The following SLC25A33 variants were observed in gnomAD, a reference collection of about 807,000 sequenced individuals.
The protein encoded by SLC25A33 is bone marrow stromal cell mitochondrial carrier protein.
SLC25A33 carries 15 observed loss-of-function variants against 35.5 expected under a neutral mutation model. That is an observed-to-expected ratio of 0.42 (90% CI 0.28 to 0.65). The LOEUF is 0.65. Ranked by LOEUF, SLC25A33 falls within the 30% of genes least tolerant of loss-of-function variation. The probability of loss-of-function intolerance (pLI) is 0.20; values close to 1 mark genes in which losing one functional copy is unlikely to be tolerated. For synonymous variants in SLC25A33, 136 were observed against 148.7 expected (o/e 0.91, Z 0.62); for missense variants, 257 against 398.5 (o/e 0.64, Z 3.02).
At chr1:9,565,223 G>A (rs1643484130) in intron 2 of SLC25A33, among the ~76,000 whole-genome samples, 1 of 152,082 alleles carries the variant, frequency 6.6e-6, no homozygotes, top group South Asian at 2.1e-4. Context: ...TCACTCAACT[G>A]TACACTTAAA....
At chr1:9,540,209 C>T (rs1185172426) in intron 1 of SLC25A33, among the ~76,000 whole-genome samples, 3 of 152,224 alleles carry the variant, frequency 2.0e-5, no homozygotes, top group South Asian at 4.1e-4. Flanking sequence ...GTCATCCGGA[C>T]GGGCAAAAAG....
At chr1:9,572,624 A>G (rs1446183351) in intron 4 of SLC25A33, among the ~76,000 whole-genome samples, 3 of 152,132 alleles carry the variant, frequency 2.0e-5, no homozygotes, top group Non-Finnish European at 2.9e-5. Context: ...CTCAAAAAAA[A>G]AGAAAAAACC....
At chr1:9,557,538 A>T (rs1326849092) in intron 2 of SLC25A33, among the ~76,000 whole-genome samples, 2 of 152,076 alleles carry the variant, frequency 1.3e-5, no homozygotes, top group Non-Finnish European at 2.9e-5. Context: ...ATCTCTACAA[A>T]AAATACAAAA....
chr1:9,570,140 T>C, intron 3 of SLC25A33, 118 bp from the exon 4 acceptor site: 1 of 829,168 alleles, frequency 1.2e-6, no homozygotes, highest in Non-Finnish European at 1.9e-6. Flanking sequence ...GGACAAGCTT[T>C]TTAGTACATG....
chr1:9,553,833 A>T (rs751333489), intron 2 of SLC25A33, 28 bp downstream of exon 2: 15 of 1,590,888 alleles, frequency 9.4e-6, no homozygotes, highest in African/African-American at 1.3e-5. Context: ...TGCTCCTGCC[A>T]CCTGCACACC....
At chr1:9,574,810 C>T (rs1643637990) in intron 5 of SLC25A33, among the ~76,000 whole-genome samples, 2 of 152,138 alleles carry the variant, frequency 1.3e-5, no homozygotes, top group Non-Finnish European at 1.5e-5. Context: ...CTATGCTTAG[C>T]CCTAAACTCC....
intron 1 of SLC25A33, among the ~76,000 whole-genome samples, chr1:9,551,960 C>T (rs1357247576): frequency 6.6e-6 from 1 of 151,920 alleles, no homozygotes; most frequent in Non-Finnish European, 1.5e-5. Context: ...ACTAGCCCAT[C>T]GAACATGTTA....
intron 1 of SLC25A33, among the ~76,000 whole-genome samples, chr1:9,553,250 G>A (rs1183728922): frequency 1.9e-5 from 2 of 106,440 alleles, no homozygotes; most frequent in African/African-American, 7.3e-5. Context: ...TGTTTGAGAC[G>A]GAGTCTTGCT....
intron 1 of SLC25A33, among the ~76,000 whole-genome samples, chr1:9,546,875 A>G (rs1643179487): frequency 6.6e-6 from 1 of 152,118 alleles, no homozygotes; most frequent in Non-Finnish European, 1.5e-5. Flanking sequence ...AACCTGCTTC[A>G]TTCTAAGGCT....
chr1:9,565,531 T>A (rs989316884), intron 2 of SLC25A33, among the ~76,000 whole-genome samples: 2 of 148,026 alleles, frequency 1.4e-5, no homozygotes, highest in African/African-American at 5.0e-5. Context: ...AAAAAAAGGT[T>A]ACAATGGTAG....
chr1:9,539,831 G>A, intron 1 of SLC25A33, 84 bp downstream of exon 1: 6 of 1,182,864 alleles, frequency 5.1e-6, no homozygotes, highest in Non-Finnish European at 6.4e-6. Flanking sequence ...AGCCTCCCGC[G>A]GCGGTTACCG....
intron 2 of SLC25A33, among the ~76,000 whole-genome samples, chr1:9,566,066 G>A (rs1032991745): frequency 6.6e-6 from 1 of 151,810 alleles, no homozygotes; most frequent in African/African-American, 2.4e-5. Flanking sequence ...GAGACAAGGG[G>A]TCTCTTTCTG....
chr1:9,567,115 A>G (rs956466033), intron 2 of SLC25A33, among the ~76,000 whole-genome samples, 169 bp from the exon 3 acceptor site: 1 of 152,240 alleles, frequency 6.6e-6, no homozygotes, highest in Non-Finnish European at 1.5e-5. Flanking sequence ...TGATAGCAGT[A>G]TTCTACAGCC....
intron 5 of SLC25A33, among the ~76,000 whole-genome samples, chr1:9,575,353 A>G (rs1042854054): frequency 6.6e-6 from 1 of 151,994 alleles, no homozygotes; most frequent in Admixed American, 6.6e-5. Context: ...GTAGTGGCTC[A>G]TGCCTGTAAT....
rs537809189 is a variant in SLC25A33, at chr1:9,545,008, G to A, written c.56+5261G>A. Reference sequence around the variant, plus strand: ...TCCCAGTATATATTATAGTAGTAACGTTGTAGTTTTACTCTGCTGTCAACT... The same window carrying A: ...TCCCAGTATATATTATAGTAGTAACATTGTAGTTTTACTCTGCTGTCAACT... On this transcript the variant is annotated intron_variant, in intron 1 of 6. Coordinates refer to ENST00000302692, the MANE Select transcript of SLC25A33 (RefSeq NM_032315.3). Among the ~76,000 whole-genome samples, 14 of 152,272 alleles carry A rather than the reference G, an allele frequency of 9.2e-5. No homozygotes were observed. The South Asian group carries it at 2.5e-3, about 27-fold the overall frequency.
chr1:9,550,490 G>A (rs1479843087), intron 1 of SLC25A33, among the ~76,000 whole-genome samples: 4 of 151,994 alleles, frequency 2.6e-5, no homozygotes, highest in Admixed American at 6.6e-5. Flanking sequence ...TTGGAGTTAC[G>A]TTATCGAACA....
chr1:9,560,263 A>AG (rs1439016361), intron 2 of SLC25A33, among the ~76,000 whole-genome samples: 1 of 149,994 alleles, frequency 6.7e-6, no homozygotes, highest in Non-Finnish European at 1.5e-5. Flanking sequence ...AAAAAAAAAA[A>AG]AAGAGAAAAG....
At position 9,564,739 on chromosome 1, in the gene SLC25A33, A is replaced by AAAAAAT. The variant is rs60174872; in HGVS notation, c.237-2544_237-2543insAAAATA. Among the ~76,000 whole-genome samples the AAAAAAT allele has an allele frequency of 3.8e-4, 37 of 96,538 alleles. 1 individual carries two copies. The highest frequency in any genetic ancestry group is 1.5e-3 in the African/African-American group (35 of 22,642). 63.3% of individuals were successfully genotyped at this position (96,538 alleles called of 152,430 possible). On this transcript the variant is annotated intron_variant, in intron 2 of 6. Coordinates refer to ENST00000302692, the MANE Select transcript of SLC25A33 (RefSeq NM_032315.3). ...TCGTCTCTATTTAAAAAAAAAAAAA[A>AAAAAAT]ATATATATATATATATATATATATA...
chr1:9,572,287 G>A (rs1643600495), intron 4 of SLC25A33, among the ~76,000 whole-genome samples: 1 of 152,144 alleles, frequency 6.6e-6, no homozygotes, highest in South Asian at 2.1e-4. Flanking sequence ...TAGAACCCTT[G>A]ATAAATAAAG....
Sources: allele counts gnomAD v4.1 joint callset (sites outside exome capture counted in the v4.1 genomes callset), GRCh38; gene constraint gnomAD v4.1.1; transcripts MANE v1.5; gene names NCBI Gene and HGNC (gene_info 2026-07-23, HGNC 2026-07-21).